The following MCRIP1 variants were observed in gnomAD, a reference collection of about 807,000 sequenced individuals.
The protein encoded by MCRIP1 is mapk-regulated corepressor-interacting protein 1.
MCRIP1 carries 10 observed loss-of-function variants against 14.4 expected under a neutral mutation model. The observed-to-expected ratio is 0.70, with a 90% CI of 0.43 to 1.18. The LOEUF (loss-of-function observed/expected upper bound fraction) is 1.18, where lower values mean the gene tolerates loss of function less well. Ranked by LOEUF, MCRIP1 falls within the 50% of genes most tolerant of loss-of-function variation. MCRIP1 has a pLI of 0.00. For synonymous variants in MCRIP1, 53 were observed against 55.7 expected (o/e 0.95, Z 0.21); for missense variants, 119 against 135.4 (o/e 0.88, Z 0.60).
At chr17:81,828,034 C>T (rs1267877410) in intron 1 of MCRIP1, among the ~76,000 whole-genome samples, 1 of 152,002 alleles carries the variant, frequency 6.6e-6, no homozygotes, top group Non-Finnish European at 1.5e-5. Flanking sequence ...TCTGCTTCGG[C>T]CTCCCAAAGT....
intron 1 of MCRIP1, among the ~76,000 whole-genome samples, chr17:81,827,801 G>C (rs2038439630): frequency 8.9e-6 from 1 of 112,034 alleles, no homozygotes; most frequent in Non-Finnish European, 1.8e-5. Context: ...TTTTTTTTGA[G>C]ATGGAGTCTC....
In MCRIP1 at chr17:81,822,938, G is replaced by T. The variant is rs956197364; in HGVS notation, c.*309C>A. On this transcript the variant is annotated 3_prime_UTR_variant, in exon 5 of 5. Coordinates refer to ENST00000455127, the MANE Select transcript of MCRIP1 (RefSeq NM_207368.5). ...GTGGCCAGGGGCAGGAGGGTGAGGGGAGAGGAGAGAGGTCAGGTCAGGGCC... is the reference window on the plus strand; with the variant it reads ...GTGGCCAGGGGCAGGAGGGTGAGGGTAGAGGAGAGAGGTCAGGTCAGGGCC... The T allele has an allele frequency of 2.2e-5, 12 of 544,552 alleles. No individual in the cohort carries two copies. The highest frequency in any genetic ancestry group is 2.1e-4 in the African/African-American group (11 of 52,820). 33.7% of individuals were successfully genotyped at this position (544,552 alleles called of 1,614,324 possible).
rs141064507 is a variant in MCRIP1 at position 81,825,086 on chromosome 17, C to T, written c.-48-532G>A. On this transcript the variant is annotated intron_variant, in intron 1 of 4. Coordinates refer to ENST00000455127, the MANE Select transcript of MCRIP1 (RefSeq NM_207368.5). ...CCTAAAGGTGATCCCAGCTCCCCGG[C>T]ACCTACCCAGGTCCAGCTTCCTGGT... is the stretch of plus-strand genomic sequence containing the variant. 2,050 of 1,014,472 alleles carry T rather than the reference C, an allele frequency of 2.0e-3. 4 individuals carry two copies. Among genetic ancestry groups the T allele is most frequent in the Non-Finnish European group, 2.3e-3 (1,942 of 847,220 alleles). The allele number at this position is 1,014,472 out of a possible 1,614,324, so 62.8% of individuals were successfully genotyped here.
intron 1 of MCRIP1, chr17:81,825,979 GC>G: frequency 7.5e-7 from 1 of 1,331,572 alleles, no homozygotes; most frequent in Non-Finnish European, 9.8e-7. Flanking sequence ...CCCCTGCCTC[GC>G]CCCCTGCTGG....
chr17:81,833,150 G>A (rs1455579420), intron 1 of MCRIP1, 88 bp downstream of exon 1: 3 of 146,314 alleles, frequency 2.1e-5, no homozygotes, highest in Non-Finnish European at 3.0e-5. Flanking sequence ...CAGGGCACCC[G>A]CGGCCGCGCG....
intron 1 of MCRIP1, among the ~76,000 whole-genome samples, chr17:81,827,633 G>A (rs1227645590): frequency 6.6e-6 from 1 of 151,716 alleles, no homozygotes; most frequent in Non-Finnish European, 1.5e-5. Context: ...GAGGTGGTAG[G>A]ATTGCTTGAG....
At chr17:81,827,776 A>ATTT (rs757592037) in intron 1 of MCRIP1, among the ~76,000 whole-genome samples, 10 of 110,772 alleles carry the variant, frequency 9.0e-5, no homozygotes, top group Non-Finnish European at 1.3e-4. Flanking sequence ...GCACCCATAC[A>ATTT]TTTTTTTTTT....
chr17:81,829,207 A>G (rs2038470235), intron 1 of MCRIP1, among the ~76,000 whole-genome samples: 2 of 147,368 alleles, frequency 1.4e-5, no homozygotes, highest in African/African-American at 4.9e-5. Context: ...CTGACACCTC[A>G]GCTGCCCAGG....
rs924393425 is a variant in MCRIP1, at chr17:81,823,244, G to A, written c.*3C>T. The A allele has an allele frequency of 6.4e-5, 98 of 1,536,208 alleles. No individual in the cohort carries two copies. The highest frequency in any genetic ancestry group is 7.8e-5 in the Non-Finnish European group (89 of 1,146,750). On this transcript the variant is annotated 3_prime_UTR_variant, in exon 5 of 5. Coordinates refer to ENST00000455127, the MANE Select transcript of MCRIP1 (RefSeq NM_207368.5). This position sits in a 1 kb window ranked among gnomAD's most constrained non-coding sequence, Gnocchi z 6.0. ...CGGAGGCCGGGGAGGGGCACCGGGC[G>A]CTCTAGGACTTCTTGGCATCCTGCG... is the stretch of plus-strand genomic sequence containing the variant.
chr17:81,824,845 G>A lies in MCRIP1; in HGVS notation c.-48-291C>T, dbSNP rs562715718. On this transcript the variant is annotated intron_variant, in intron 1 of 4. Transcript: ENST00000455127. ...GATCCTCCACGTCTCAGGCTCAGAC[G>A]TGGAGGCCTCAGCCCCAGCACCGGG... The A allele has an allele frequency of 7.2e-4, 937 of 1,298,698 alleles. 2 individuals are homozygous for A. Among genetic ancestry groups the A allele is most frequent in the Admixed American group, 2.1e-3 (55 of 26,604 alleles). The allele number at this position is 1,298,698 out of a possible 1,614,324, so 80.4% of individuals were successfully genotyped here.
At chr17:81,824,733 C>T in intron 1 of MCRIP1, 179 bp from the exon 2 acceptor site, 1 of 1,445,434 alleles carries the variant, frequency 6.9e-7, no homozygotes, top group Non-Finnish European at 9.1e-7. Flanking sequence ...CAGTGGGCTC[C>T]AGGCAACCCT....
chr17:81,825,395 C>T lies in MCRIP1; in HGVS notation c.-48-841G>A, dbSNP rs1000434018. 2.1e-5 allele frequency: 25 copies of T among 1,186,288 alleles called. No homozygotes were observed. The African/African-American group carries it at 3.4e-4, about 16-fold the overall frequency. The allele number at this position is 1,186,288 out of a possible 1,614,324, so 73.5% of individuals were successfully genotyped here. ...TGGGGAAGCTGACAGGGCTGGTCTC[C>T]AGCCTGCCCTGCTCCAGAGGGGGCA... On this transcript the variant is annotated intron_variant, in intron 1 of 4. Coordinates refer to ENST00000455127, the MANE Select transcript of MCRIP1 (RefSeq NM_207368.5).
rs902730718 is a variant in MCRIP1 at position 81,823,427 on chromosome 17, T to C, written c.214A>G (p.Asn72Asp). 5 of 1,536,608 alleles carry C rather than the reference T, an allele frequency of 3.3e-6. No homozygotes were observed. The highest frequency in any genetic ancestry group is 3.5e-6 in the Non-Finnish European group (4 of 1,146,718). The stretch of plus-strand genomic sequence containing the variant: ...CCCCACTCACTCTTCAGGCTGGGGT[T>C]AGGGACCTTCTCCACATACTCCTCC... ...LVEEYVEKVP[N>D]PSLKTFKPID... Residue 72 changes from asparagine (N) to aspartate (D), a missense_variant, in exon 4 of 5, where the codon AAC becomes GAC. Transcript: ENST00000455127. This position sits in a 1 kb window ranked among gnomAD's most constrained non-coding sequence, Gnocchi z 6.0.
At chr17:81,832,204 G>A (rs1358701557) in intron 1 of MCRIP1, among the ~76,000 whole-genome samples, 1 of 152,100 alleles carries the variant, frequency 6.6e-6, no homozygotes, top group East Asian at 1.9e-4. Flanking sequence ...TTCAGCCAAC[G>A]AGGCTAGAAA....
At position 81,824,637 on chromosome 17, in the gene MCRIP1, C is replaced by A. The variant is rs1327972563; in HGVS notation, c.-48-83G>T. ...GAGGGGGAGGCGCAGGGCACACCTG[C>A]CTCCTCCCTTCAGATGTGAACAAAG... On this transcript the variant is annotated intron_variant, in intron 1 of 4. Transcript: ENST00000455127. The A allele has an allele frequency of 5.2e-6, 8 of 1,529,034 alleles. No individual in the cohort carries two copies. In the Admixed American group the frequency reaches 1.2e-4, roughly 23 times the overall value. The allele number at this position is 1,529,034 out of a possible 1,614,324, so 94.7% of individuals were successfully genotyped here.
chr17:81,823,544 C>G lies in MCRIP1; in HGVS notation c.128-31G>C, dbSNP rs1043108320. 2.0e-6 allele frequency: 3 copies of G among 1,522,454 alleles called. No individual in the cohort carries two copies. The highest frequency in any genetic ancestry group is 4.9e-5 in the East Asian group (2 of 40,822). The allele number at this position is 1,522,454 out of a possible 1,614,324, so 94.3% of individuals were successfully genotyped here. A position where few individuals can be genotyped will look rare whatever the true frequency, so the allele number is the denominator to read the frequency against. On this transcript the variant is annotated intron_variant, in intron 3 of 4. Transcript: ENST00000455127. This position sits in a 1 kb window ranked among gnomAD's most constrained non-coding sequence, Gnocchi z 6.0. The stretch of plus-strand genomic sequence containing the variant: ...GAGGCAGAGAGTGGTGTGCTCAGGG[C>G]CCCCTGCCCCAGGGGGTGGCATCCA...
At chr17:81,829,384 G>A (rs574325636) in intron 1 of MCRIP1, among the ~76,000 whole-genome samples, 52 of 152,352 alleles carry the variant, frequency 3.4e-4, no homozygotes, top group African/African-American at 1.2e-3. Flanking sequence ...ACAGCAGTAA[G>A]GGAGGGTCAG....
Position 81,825,355 on chromosome 17 carries a change from C to T in MCRIP1, c.-48-801G>A, listed in dbSNP as rs934040854. On this transcript the variant is annotated intron_variant, in intron 1 of 4. Transcript: ENST00000455127. Reference sequence around the variant, plus strand: ...ACAGTGTCCCCACTCCAGCTGAGGACACACAACCCCAAGGTGGGGAAGCTG... The same window carrying T: ...ACAGTGTCCCCACTCCAGCTGAGGATACACAACCCCAAGGTGGGGAAGCTG... 7 of 1,179,534 alleles carry T rather than the reference C, an allele frequency of 5.9e-6. No individual in the cohort carries two copies. The East Asian group carries it at 3.6e-4, about 61-fold the overall frequency. 73.1% of individuals were successfully genotyped at this position (1,179,534 alleles called of 1,614,324 possible). A position where few individuals can be genotyped will look rare whatever the true frequency, so the allele number is the denominator to read the frequency against.
chr17:81,824,237 C>G (rs956773707), intron 3 of MCRIP1, 50 bp downstream of exon 3: 141 of 1,436,032 alleles, frequency 9.8e-5, no homozygotes, highest in Non-Finnish European at 1.3e-4. Flanking sequence ...GGGGGCAGAG[C>G]TGACTCCGTC....
Sources: gnomAD v4.1 joint callset for allele counts (sites outside exome capture counted in the v4.1 genomes callset) on GRCh38, gnomAD v4.1.1 for gene constraint, Gnocchi (gnomAD v3.1) non-coding constraint, MANE v1.5 for transcripts, NCBI Gene and HGNC (gene_info 2026-07-23, HGNC 2026-07-21) for gene names.